Variants in ASXL2 observed in about 807,000 individuals in gnomAD.
ASXL2 encodes ASXL transcriptional regulator 2.
ASXL2 carries 23 observed loss-of-function variants against 122.0 expected under a neutral mutation model. The ratio of observed to expected loss-of-function variants is 0.19; its 90% confidence interval spans 0.14 to 0.27. ASXL2 has a LOEUF of 0.27. ASXL2 is among the 10% of genes least tolerant of loss of function. ASXL2 has a pLI of 1.00. For missense variants in ASXL2, 1,518 were observed against 1,713.8 expected, an observed-to-expected ratio of 0.89 and a Z score of 2.02; for synonymous variants, 650 against 637.0, an observed-to-expected ratio of 1.02 and a Z score of -0.31.
At chr2:25,851,032 C>T (rs545392828) in intron 1 of ASXL2, among the ~76,000 whole-genome samples, 3 of 151,704 alleles carry the variant, frequency 2.0e-5, no homozygotes, top group South Asian at 2.1e-4. Context: ...CCAGCTACTC[C>T]GAAGGCTGAG....
chr2:25,859,398 A>G (rs1395621358), intron 1 of ASXL2, among the ~76,000 whole-genome samples: 1 of 152,226 alleles, frequency 6.6e-6, no homozygotes, highest in Non-Finnish European at 1.5e-5. Flanking sequence ...TACCCTTAAA[A>G]TATATCCCTT....
At chr2:25,844,783 G>A (rs1416998015) in intron 2 of ASXL2, among the ~76,000 whole-genome samples, 5 of 151,712 alleles carry the variant, frequency 3.3e-5, no homozygotes, top group African/African-American at 1.2e-4. Context: ...AATACTATAG[G>A]AGCACACCAC....
At chr2:25,831,645 C>A (rs1339501576) in intron 3 of ASXL2, among the ~76,000 whole-genome samples, 16 of 152,040 alleles carry the variant, frequency 1.1e-4, no homozygotes, top group Admixed American at 9.8e-4. Context: ...CAAAATGAGA[C>A]CCTGTCTCAA....
intron 3 of ASXL2, chr2:25,830,944 T>TG (rs1419989312): frequency 2.0e-5 from 3 of 152,146 alleles, no homozygotes; most frequent in African/African-American, 7.2e-5. Flanking sequence ...CTCAAGGCAT[T>TG]GTGAGATAAC....
At position 25,736,291 on chromosome 2, in the gene ASXL2, G is replaced by C. The variant is rs943498884; in HGVS notation, c.*5738C>G. ...CAGCTGCAGACCAACTCTACTTGCA[G>C]GCACCCATGTCATCACCTGAATATA... On this transcript the variant is annotated 3_prime_UTR_variant, in exon 13 of 13. Transcript: ENST00000435504. The C allele has an allele frequency of 2.6e-5, 4 of 152,104 alleles. No individual in the cohort carries two copies. The highest frequency in any genetic ancestry group is 9.7e-5 in the African/African-American group (4 of 41,392). 9.4% of individuals were successfully genotyped at this position (152,104 alleles called of 1,614,324 possible).
At chr2:25,819,413 A>G (rs561497468) in intron 3 of ASXL2, among the ~76,000 whole-genome samples, 1 of 152,296 alleles carries the variant, frequency 6.6e-6, no homozygotes, top group South Asian at 2.1e-4. Flanking sequence ...TACAAAGGGG[A>G]AAAATGGTAT....
intron 5 of ASXL2, among the ~76,000 whole-genome samples, chr2:25,787,339 A>T (rs151258930): frequency 6.6e-6 from 1 of 152,316 alleles, no homozygotes; most frequent in East Asian, 1.9e-4. Flanking sequence ...CTTGGCTGAG[A>T]TGCAAACCCA....
chr2:25,786,532 C>G (rs947164826), intron 5 of ASXL2, among the ~76,000 whole-genome samples: 1 of 152,032 alleles, frequency 6.6e-6, no homozygotes, highest in African/African-American at 2.4e-5. Flanking sequence ...AGCCACCACG[C>G]CCGGCCCACA....
intron 1 of ASXL2, among the ~76,000 whole-genome samples, chr2:25,850,981 C>T (rs1574448152): frequency 6.6e-6 from 1 of 151,780 alleles, no homozygotes; most frequent in African/African-American, 2.4e-5. Context: ...TCTACTAAAA[C>T]TACAAAAATT....
intron 3 of ASXL2, among the ~76,000 whole-genome samples, chr2:25,827,016 T>A (rs983882998): frequency 1.4e-5 from 2 of 141,696 alleles, no homozygotes; most frequent in South Asian, 4.4e-4. Flanking sequence ...TTTTTTTTTT[T>A]GGGTAGAGAT....
intron 8 of ASXL2, among the ~76,000 whole-genome samples, chr2:25,766,659 A>G (rs1428557179): frequency 6.6e-6 from 1 of 152,214 alleles, no homozygotes; most frequent in Non-Finnish European, 1.5e-5. Flanking sequence ...TGGTGTTAGA[A>G]ATATGCCTTG....
In ASXL2 at chr2:25,743,064, A is replaced by G. The variant is rs2149136315; in HGVS notation, c.3273T>C (p.Ala1091=). The G allele has an allele frequency of 6.2e-7, 1 of 1,614,010 alleles. No homozygotes were observed. The highest frequency in any genetic ancestry group is 8.5e-7 in the Non-Finnish European group (1 of 1,179,904). The change falls in exon 13 of 13, where the codon GCT becomes GCC. Residue 1091 remains alanine (A), a synonymous_variant. Coordinates refer to ENST00000435504, the MANE Select transcript of ASXL2 (RefSeq NM_018263.6). ...TGTCTTCCAGCTGGAAACCTGAGTG[A>G]GCGAAGTTGAACTGTGAGGGCGGCA... is the stretch of plus-strand genomic sequence containing the variant. ...SVVPPSQFNF[A]HSGFQLEDIS... is the part of the protein sequence containing the mutation.
rs192608122 is a variant in ASXL2, at chr2:25,814,955, T to C, written c.144-8618A>G. Among the ~76,000 whole-genome samples, 51 of 152,324 alleles carry C rather than the reference T, an allele frequency of 3.3e-4. No individual in the cohort carries two copies. The East Asian group carries it at 8.5e-3, about 25-fold the overall frequency. On this transcript the variant is annotated intron_variant, in intron 3 of 12. Transcript: ENST00000435504. ...AAAATAGAGGTAATACTGCCTACTGTGTAACTCGATTGTACAGATCACAGA... is the reference window on the plus strand; with the variant it reads ...AAAATAGAGGTAATACTGCCTACTGCGTAACTCGATTGTACAGATCACAGA...
chr2:25,783,314 T>C (rs1329768558), intron 5 of ASXL2, among the ~76,000 whole-genome samples: 1 of 152,024 alleles, frequency 6.6e-6, no homozygotes, highest in Non-Finnish European at 1.5e-5. Flanking sequence ...AGTATCCCAT[T>C]TCATCTACAA....
intron 5 of ASXL2, among the ~76,000 whole-genome samples, chr2:25,782,038 T>G (rs2088651858): frequency 1.4e-5 from 2 of 142,822 alleles, no homozygotes; most frequent in Non-Finnish European, 3.0e-5. Flanking sequence ...ACTCCTGGCC[T>G]CAAGTGATCC....
At chr2:25,851,078 G>A (rs528407395) in intron 1 of ASXL2, among the ~76,000 whole-genome samples, 2 of 149,672 alleles carry the variant, frequency 1.3e-5, no homozygotes, top group South Asian at 2.1e-4. Flanking sequence ...CCTGGGAGGC[G>A]AAAGTTGCAA....
chr2:25,773,028 G>A (rs971460457), intron 5 of ASXL2, among the ~76,000 whole-genome samples: 1 of 151,812 alleles, frequency 6.6e-6, no homozygotes, highest in Non-Finnish European at 1.5e-5. Context: ...GACCAATATG[G>A]TGAAACCCCA....
At chr2:25,800,675 T>A (rs2088985367) in intron 4 of ASXL2, among the ~76,000 whole-genome samples, 1 of 152,156 alleles carries the variant, frequency 6.6e-6, no homozygotes, top group Non-Finnish European at 1.5e-5. Context: ...CAAGACTTCC[T>A]GGCTTTACCC....
intron 3 of ASXL2, among the ~76,000 whole-genome samples, chr2:25,817,081 C>T (rs553486759): frequency 6.6e-6 from 1 of 152,090 alleles, no homozygotes; most frequent in African/African-American, 2.4e-5. Flanking sequence ...GCCAAGATTG[C>T]ACTGCACTCC....
Sources: allele counts gnomAD v4.1 joint callset (sites outside exome capture counted in the v4.1 genomes callset), GRCh38; gene constraint gnomAD v4.1.1; transcripts MANE v1.5; gene names NCBI Gene and HGNC (gene_info 2026-07-23, HGNC 2026-07-21).